CNTNAP2: variants seen among roughly 807,000 people sequenced by gnomAD.
CNTNAP2 encodes the protein contactin-associated protein-like 2.
CNTNAP2 carries 98 observed loss-of-function variants against 155.2 expected under a neutral mutation model. That is an observed-to-expected ratio of 0.63 (90% CI 0.54 to 0.75). The LOEUF (loss-of-function observed/expected upper bound fraction) is 0.75, where lower values mean the gene tolerates loss of function less well. CNTNAP2 is among the 30% of genes least tolerant of loss of function. The pLI, the probability that CNTNAP2 is intolerant of heterozygous loss-of-function variation, is 0.00. For synonymous variants in CNTNAP2, 651 were observed against 631.2 expected (o/e 1.03, Z -0.47); for missense variants, 1,727 against 1,688.1 (o/e 1.02, Z -0.40).
Position 147,132,472 on chromosome 7 carries a change from C to T in CNTNAP2, c.1311C>T (p.Ile437=), listed in dbSNP as rs56356283. The part of the protein sequence containing the change: ...TESKVGVHIN[I]TQTKMSQIDI... ...GCAAAGTGGGTGTTCACATCAACAT[C>T]ACACAGACCAAGATGAGCCAAATCG... The change falls in exon 8 of 24, where the codon ATC becomes ATT. Residue 437 remains isoleucine, a synonymous_variant. Transcript: ENST00000361727. 5,588 of 1,613,648 alleles carry T rather than the reference C, an allele frequency of 3.5e-3. 16 individuals are homozygous for T. Among genetic ancestry groups the T allele is most frequent in the South Asian group, 4.0e-3 (368 of 91,078 alleles).
chr7:147,270,290 A>G (rs1008170484), intron 8 of CNTNAP2, among the ~76,000 whole-genome samples: 1 of 152,174 alleles, frequency 6.6e-6, no homozygotes, highest in Non-Finnish European at 1.5e-5. Flanking sequence ...ATTGTGAAAT[A>G]CTCAGTATGT....
At chr7:147,089,396 C>A (rs946335859) in intron 4 of CNTNAP2, among the ~76,000 whole-genome samples, 1 of 152,152 alleles carries the variant, frequency 6.6e-6, no homozygotes, top group Non-Finnish European at 1.5e-5. Context: ...GCATCCACTG[C>A]GACTCACACA....
At chr7:147,145,136 T>A (rs2129288132) in intron 8 of CNTNAP2, among the ~76,000 whole-genome samples, 2 of 152,304 alleles carry the variant, frequency 1.3e-5, no homozygotes, top group East Asian at 3.9e-4. Context: ...TATTAACTGT[T>A]AAGCAACAAA....
At chr7:146,616,167 G>T (rs1799220366) in intron 1 of CNTNAP2, among the ~76,000 whole-genome samples, 1 of 152,132 alleles carries the variant, frequency 6.6e-6, no homozygotes, top group East Asian at 1.9e-4. Flanking sequence ...ACAGGAAAGA[G>T]AAATGAAACG....
intron 9 of CNTNAP2, among the ~76,000 whole-genome samples, chr7:147,342,425 T>C (rs1011635131): frequency 7.9e-5 from 12 of 152,212 alleles, no homozygotes; most frequent in African/African-American, 2.9e-4. Context: ...TAATGTTACA[T>C]TGCATCCATG....
At chr7:146,647,435 A>G (rs1046653165) in intron 1 of CNTNAP2, among the ~76,000 whole-genome samples, 1 of 152,320 alleles carries the variant, frequency 6.6e-6, no homozygotes, top group South Asian at 2.1e-4. Context: ...TGTTAAAAAA[A>G]CAAATAACTG....
chr7:148,093,309 G>C (rs1803888814), intron 15 of CNTNAP2, among the ~76,000 whole-genome samples: 1 of 152,132 alleles, frequency 6.6e-6, no homozygotes, highest in Non-Finnish European at 1.5e-5. Flanking sequence ...AAATCACAAT[G>C]TACGTGACTC....
intron 13 of CNTNAP2, among the ~76,000 whole-genome samples, chr7:147,868,645 C>A (rs1323005075): frequency 1.1e-4 from 16 of 152,312 alleles, no homozygotes; most frequent in Middle Eastern, 3.4e-3. Flanking sequence ...AGCTTCCTGG[C>A]CACTTCGTTT....
At chr7:146,418,677 C>A (rs1157220837) in intron 1 of CNTNAP2, among the ~76,000 whole-genome samples, 1 of 152,080 alleles carries the variant, frequency 6.6e-6, no homozygotes, top group South Asian at 2.1e-4. Context: ...TCACCTGTAA[C>A]CCCAGGAAAC....
intron 11 of CNTNAP2, among the ~76,000 whole-genome samples, chr7:147,517,566 T>C (rs1163686213): frequency 6.6e-6 from 1 of 152,118 alleles, no homozygotes; most frequent in African/African-American, 2.4e-5. Context: ...AGCACTGGAG[T>C]AGCAAAATAA....
intron 13 of CNTNAP2, among the ~76,000 whole-genome samples, chr7:147,745,696 T>C (rs959384971): frequency 6.6e-5 from 10 of 152,166 alleles, no homozygotes; most frequent in African/African-American, 1.9e-4. Flanking sequence ...GGTAAAAAGA[T>C]TTAAAACAAA....
At chr7:148,367,010 A>C (rs1456882567) in intron 21 of CNTNAP2, among the ~76,000 whole-genome samples, 1 of 152,238 alleles carries the variant, frequency 6.6e-6, no homozygotes, top group Admixed American at 6.5e-5. Flanking sequence ...AGGAAGGCGG[A>C]TCACGAGGTG....
intron 3 of CNTNAP2, among the ~76,000 whole-genome samples, chr7:146,884,324 T>G (rs1435283452): frequency 2.0e-5 from 3 of 152,164 alleles, no homozygotes; most frequent in African/African-American, 7.2e-5. Context: ...GTGCTTCTTT[T>G]CTTGCATATT....
intron 12 of CNTNAP2, among the ~76,000 whole-genome samples, chr7:147,627,008 C>A (rs926872517): frequency 6.6e-6 from 1 of 152,130 alleles, no homozygotes; most frequent in Non-Finnish European, 1.5e-5. Context: ...TGTAGACATT[C>A]CCCAGCACCA....
At chr7:146,154,362 T>G (rs1798094395) in intron 1 of CNTNAP2, among the ~76,000 whole-genome samples, 1 of 152,204 alleles carries the variant, frequency 6.6e-6, no homozygotes, top group African/African-American at 2.4e-5. Context: ...CTACAAGCTA[T>G]ACAGTGTTTT....
At chr7:146,312,627 A>T (rs560598018) in intron 1 of CNTNAP2, among the ~76,000 whole-genome samples, 1 of 152,320 alleles carries the variant, frequency 6.6e-6, no homozygotes, top group South Asian at 2.1e-4. Context: ...CATTATTATT[A>T]TCTGTGGTCA....
chr7:147,359,822 C>G (rs1218861392), intron 9 of CNTNAP2, among the ~76,000 whole-genome samples: 1 of 152,140 alleles, frequency 6.6e-6, no homozygotes, highest in Non-Finnish European at 1.5e-5. Context: ...CCACCCACCT[C>G]TCTACTCCCT....
intron 13 of CNTNAP2, among the ~76,000 whole-genome samples, chr7:147,695,657 C>G (rs1796149567): frequency 6.6e-6 from 1 of 152,024 alleles, no homozygotes; most frequent in African/African-American, 2.4e-5. Flanking sequence ...CAAAAAATAG[C>G]TAGGCTTGGT....
chr7:148,247,515 C>T (rs1037217821), intron 20 of CNTNAP2, among the ~76,000 whole-genome samples: 1 of 152,006 alleles, frequency 6.6e-6, no homozygotes, highest in Non-Finnish European at 1.5e-5. Context: ...AGACCACTTT[C>T]CCCACATCTT....
Sources: allele counts gnomAD v4.1 joint callset (sites outside exome capture counted in the v4.1 genomes callset), GRCh38; gene constraint gnomAD v4.1.1; transcripts MANE v1.5; gene names NCBI Gene and HGNC (gene_info 2026-07-23, HGNC 2026-07-21).